Variants in PHTF2 observed in about 807,000 individuals in gnomAD.
The protein encoded by PHTF2 is protein PHTF2.
PHTF2 carries 60 observed loss-of-function variants against 101.2 expected under a neutral mutation model. The ratio of observed to expected loss-of-function variants is 0.59; its 90% CI spans 0.48 to 0.73. The LOEUF is 0.73. Ranked by LOEUF, PHTF2 falls within the 30% of genes least tolerant of loss-of-function variation. The pLI is 0.00. For synonymous variants in PHTF2, 311 were observed against 307.3 expected (o/e 1.01, Z -0.13); for missense variants, 747 against 908.7 (o/e 0.82, Z 2.29).
intron 1 of PHTF2, among the ~76,000 whole-genome samples, chr7:77,839,577 C>T (rs1795715444): frequency 6.6e-6 from 1 of 152,006 alleles, no homozygotes. Context: ...ATTTTATAAA[C>T]TGAAATATTA....
chr7:77,927,570 C>G (rs753583941), intron 11 of PHTF2, among the ~76,000 whole-genome samples: 4 of 152,158 alleles, frequency 2.6e-5, no homozygotes, highest in Non-Finnish European at 4.4e-5. Context: ...TGCACTCCAG[C>G]CTGGGCGACA....
At chr7:77,937,601 T>C in intron 12 of PHTF2, 109 bp from the exon 12 acceptor site, 1 of 370,752 alleles carries the variant, frequency 2.7e-6, no homozygotes, top group South Asian at 9.8e-5. Context: ...TTATTTTTAG[T>C]GTCATTAAAA....
chr7:77,945,260 C>T (rs1022150606), intron 16 of PHTF2, among the ~76,000 whole-genome samples: 4 of 152,138 alleles, frequency 2.6e-5, no homozygotes, highest in Non-Finnish European at 5.9e-5. Context: ...ATCGCTTGAA[C>T]CTGGGAGGCA....
chr7:77,916,048 C>CT (rs1802891300), intron 9 of PHTF2, among the ~76,000 whole-genome samples: 1 of 150,950 alleles, frequency 6.6e-6, no homozygotes, highest in South Asian at 2.1e-4. Context: ...TACGGTAATA[C>CT]TTTAATTCCT....
chr7:77,880,983 C>G (rs996030689), intron 3 of PHTF2, among the ~76,000 whole-genome samples: 7 of 152,152 alleles, frequency 4.6e-5, no homozygotes, highest in Non-Finnish European at 1.0e-4. Context: ...TGCTTATGCT[C>G]TATCTGGTAT....
chr7:77,827,139 G>T (rs1257242812), intron 1 of PHTF2, among the ~76,000 whole-genome samples: 3 of 152,144 alleles, frequency 2.0e-5, no homozygotes, highest in Non-Finnish European at 4.4e-5. Flanking sequence ...GTAGATAAAA[G>T]TTAAAATCAC....
At chr7:77,954,608 C>CTGTG (rs1230124124) in intron 19 of PHTF2, among the ~76,000 whole-genome samples, 1,080 of 99,690 alleles carry the variant, frequency 0.011, 23 homozygotes, top group South Asian at 0.04. Context: ...TAAACAAGTA[C>CTGTG]TGTGTATATA....
At position 77,825,333 on chromosome 7, in the gene PHTF2, T is replaced by G. The variant is rs1223079117; in HGVS notation, c.-35-14888T>G. Among the ~76,000 whole-genome samples, 6 of 152,126 alleles carry G rather than the reference T, an allele frequency of 3.9e-5. No individual in the cohort carries two copies. In the South Asian group the frequency reaches 1.0e-3, roughly 26 times the overall value. The stretch of plus-strand genomic sequence containing the variant: ...CAAAGGAAAGAGGAAGCCTACAAAA[T>G]ATTGCGATATCTCATTCATACTTTT... On this transcript the variant is annotated intron_variant, in intron 1 of 19. Transcript: ENST00000416283.
chr7:77,920,163 A>G (rs1803309753), intron 9 of PHTF2, 116 bp from the exon 9 acceptor site: 4 of 596,710 alleles, frequency 6.7e-6, no homozygotes, highest in East Asian at 2.9e-5. Flanking sequence ...TAGGGTGGTC[A>G]TTAAAATTTA....
chr7:77,906,034 G>T (rs749154387), intron 7 of PHTF2, among the ~76,000 whole-genome samples: 1 of 152,138 alleles, frequency 6.6e-6, no homozygotes, highest in Non-Finnish European at 1.5e-5. Context: ...CCAGGCTGGA[G>T]TGCATGATCT....
At chr7:77,812,743 C>A (rs1351994927) in intron 1 of PHTF2, among the ~76,000 whole-genome samples, 1 of 152,072 alleles carries the variant, frequency 6.6e-6, no homozygotes, top group Non-Finnish European at 1.5e-5. Flanking sequence ...GCGCACGCCA[C>A]CACGCCCAGC....
At chr7:77,887,959 G>A (rs975962652) in intron 3 of PHTF2, among the ~76,000 whole-genome samples, 3 of 152,212 alleles carry the variant, frequency 2.0e-5, no homozygotes, top group Admixed American at 6.5e-5. Flanking sequence ...CCTCTTACAT[G>A]ATGGAACAAT....
At chr7:77,845,830 G>C (rs759101111) in intron 2 of PHTF2, among the ~76,000 whole-genome samples, 1 of 152,168 alleles carries the variant, frequency 6.6e-6, no homozygotes. Context: ...TCGCAGGTAA[G>C]ACAAATCTAA....
At chr7:77,895,359 A>G (rs1340302400) in intron 5 of PHTF2, among the ~76,000 whole-genome samples, 1 of 152,164 alleles carries the variant, frequency 6.6e-6, no homozygotes, top group African/African-American at 2.4e-5. Context: ...ATGCAAGTAA[A>G]GAAGGAAAGA....
At chr7:77,943,524 A>G (rs544117735) in intron 16 of PHTF2, among the ~76,000 whole-genome samples, 79 of 152,234 alleles carry the variant, frequency 5.2e-4, no homozygotes, top group African/African-American at 1.8e-3. Flanking sequence ...AGGGAGTACA[A>G]AAGTATCTCA....
At chr7:77,916,546 C>T (rs1802941677) in intron 9 of PHTF2, among the ~76,000 whole-genome samples, 1 of 151,936 alleles carries the variant, frequency 6.6e-6, no homozygotes, top group Admixed American at 6.6e-5. Flanking sequence ...AGAGTGAGAC[C>T]CTGTCTCTCT....
chr7:77,811,104 G>T (rs923611413), intron 1 of PHTF2, among the ~76,000 whole-genome samples: 1 of 148,710 alleles, frequency 6.7e-6, no homozygotes, highest in African/African-American at 2.5e-5. Flanking sequence ...GTTTCACCAT[G>T]TTGGCCAGGC....
chr7:77,831,716 G>A (rs1584427944), intron 1 of PHTF2, among the ~76,000 whole-genome samples: 2 of 152,168 alleles, frequency 1.3e-5, no homozygotes, highest in Admixed American at 6.5e-5. Flanking sequence ...AACAGAGCAC[G>A]GCTGCCATGA....
At chr7:77,857,499 A>G (rs1267967913) in intron 3 of PHTF2, among the ~76,000 whole-genome samples, 1 of 152,232 alleles carries the variant, frequency 6.6e-6, no homozygotes, top group South Asian at 2.1e-4. Context: ...TGGAAGGAGT[A>G]TGTATATACA....
Sources: gnomAD v4.1 joint callset for allele counts (sites outside exome capture counted in the v4.1 genomes callset) on GRCh38, gnomAD v4.1.1 for gene constraint, MANE v1.5 for transcripts, NCBI Gene and HGNC (gene_info 2026-07-23, HGNC 2026-07-21) for gene names.